PRDM16: variants seen among roughly 807,000 people sequenced by gnomAD.
PRDM16 encodes histone-lysine N-methyltransferase PRDM16.
In PRDM16, 23 loss-of-function variants were observed where a neutral mutation model predicts 110.6. That is an observed-to-expected ratio of 0.21 (90% CI 0.15 to 0.29). PRDM16 has a LOEUF of 0.29. Ranked by LOEUF, PRDM16 falls within the 10% of genes least tolerant of loss-of-function variation. The pLI is 1.00. For missense variants in PRDM16, 1,615 were observed against 1,794.3 expected, an observed-to-expected ratio of 0.90 and a Z score of 1.81; for synonymous variants, 799 against 781.8, an observed-to-expected ratio of 1.02 and a Z score of -0.37.
chr1:3,430,956 CGATGACCTGGAGGAGGACGAT>C lies in PRDM16; in HGVS notation c.3372_3392del (p.Asp1124_Asp1130del), dbSNP rs1557672946. On this transcript the variant is annotated inframe_deletion, in exon 15 of 17. Coordinates refer to ENST00000270722, the MANE Select transcript of PRDM16 (RefSeq NM_022114.4). Reference sequence around the variant, plus strand: ...AGGAGGACGTGGAGGAGGAGGACGACGATGACCTGGAGGAGGACGATGAGGACAGCCTGGCCGGGAAGTCGC... The same window carrying C: ...AGGAGGACGTGGAGGAGGAGGACGACGAGGACAGCCTGGCCGGGAAGTCGC... 1 of 1,613,322 alleles carries C rather than the reference CGATGACCTGGAGGAGGACGAT, an allele frequency of 6.2e-7. No homozygotes were observed. Among genetic ancestry groups the C allele is most frequent in the Admixed American group, 1.7e-5 (1 of 59,912 alleles).
Position 3,075,991 on chromosome 1 carries a change from C to T in PRDM16, c.37+6695C>T, listed in dbSNP as rs565410765. Among the ~76,000 whole-genome samples the T allele has an allele frequency of 7.7e-4, 117 of 152,316 alleles. 1 individual carries two copies. Among genetic ancestry groups the T allele is most frequent in the African/African-American group, 2.7e-3 (112 of 41,578 alleles). On this transcript the variant is annotated intron_variant, in intron 1 of 16. Coordinates refer to ENST00000270722, the MANE Select transcript of PRDM16 (RefSeq NM_022114.4). ...AGGCTTGACCAAGAGTGAGCCAAGC[C>T]CCCCACGCGTGGGGTGCCCACTTCA...
intron 1 of PRDM16, among the ~76,000 whole-genome samples, chr1:3,103,417 G>A (rs926731950): frequency 2.0e-5 from 3 of 152,184 alleles, no homozygotes; most frequent in Non-Finnish European, 4.4e-5. Context: ...AGACCCTCTC[G>A]CCAAACGCAT....
intron 1 of PRDM16, among the ~76,000 whole-genome samples, chr1:3,085,589 T>A (rs1177709613): frequency 6.6e-6 from 1 of 152,222 alleles, no homozygotes; most frequent in Non-Finnish European, 1.5e-5. Context: ...CTGAGCCCAG[T>A]GTGCCCATCT....
chr1:3,429,372 G>A (rs562655147), intron 14 of PRDM16, among the ~76,000 whole-genome samples: 1 of 152,272 alleles, frequency 6.6e-6, no homozygotes, highest in East Asian at 1.9e-4. Flanking sequence ...TGCATGGGGG[G>A]TGTGCAGCAG....
At chr1:3,240,094 AGG>A (rs1639634030) in intron 2 of PRDM16, among the ~76,000 whole-genome samples, 1 of 143,200 alleles carries the variant, frequency 7.0e-6, no homozygotes. Context: ...AGGAGAGGAG[AGG>A]AGAGGAGAGG....
chr1:3,428,112 A>G (rs974786357), intron 14 of PRDM16, among the ~76,000 whole-genome samples: 6 of 152,086 alleles, frequency 3.9e-5, no homozygotes, highest in African/African-American at 1.4e-4. Flanking sequence ...GCGTGTGCGG[A>G]GGCTGAACCA....
In PRDM16 at chr1:3,157,952, A is replaced by G. The variant is rs551706702; in HGVS notation, c.38-28173A>G. On this transcript the variant is annotated intron_variant, in intron 1 of 16. Coordinates refer to ENST00000270722, the MANE Select transcript of PRDM16 (RefSeq NM_022114.4). This position sits in a 1 kb window ranked among gnomAD's most constrained non-coding sequence, Gnocchi z 4.8. ...ATATTACGAAAATTACAAAATAATT[A>G]CAAATGATAAAAACAATGACTGCTC... 5.7e-4 allele frequency among the ~76,000 whole-genome samples: 87 copies of G among 152,264 alleles called. 1 individual carries two copies. Among genetic ancestry groups the G allele is most frequent in the Non-Finnish European group, 1.1e-3 (73 of 68,042 alleles).
intron 2 of PRDM16, chr1:3,207,415 C>T (rs151232236): frequency 3.9e-5 from 6 of 152,310 alleles, no homozygotes; most frequent in East Asian, 3.9e-4. Flanking sequence ...TTTCCACGGA[C>T]GGTTTTAAAG....
At chr1:3,259,182 T>G (rs1299635517) in intron 3 of PRDM16, among the ~76,000 whole-genome samples, 1 of 152,088 alleles carries the variant, frequency 6.6e-6, no homozygotes, top group South Asian at 2.1e-4. Context: ...CTTCAGTAGT[T>G]CACACCGGCC....
intron 3 of PRDM16, among the ~76,000 whole-genome samples, chr1:3,365,991 T>C (rs1642806719): frequency 6.8e-6 from 1 of 146,778 alleles, no homozygotes; most frequent in South Asian, 2.1e-4. Flanking sequence ...CACACAAACA[T>C]GCACACATAC....
chr1:3,291,018 T>C (rs372477985), intron 3 of PRDM16, among the ~76,000 whole-genome samples: 1 of 151,854 alleles, frequency 6.6e-6, no homozygotes, highest in African/African-American at 2.4e-5. Flanking sequence ...AGGCCATCCT[T>C]GTCTCCGGCT....
In PRDM16 at chr1:3,303,497, G is replaced by A. The variant is rs145356293; in HGVS notation, c.438+59360G>A. On this transcript the variant is annotated intron_variant, in intron 3 of 16. Transcript: ENST00000270722. ...ACTAATGGACATTTGGTTGCCTTTC[G>A]CCGTTGGGAAGAGTGCCGTGGTGAC... Among the ~76,000 whole-genome samples the A allele has an allele frequency of 1.3e-3, 196 of 152,240 alleles. 1 individual carries two copies. The highest frequency in any genetic ancestry group is 2.7e-3 in the Admixed American group (42 of 15,300).
Position 3,081,942 on chromosome 1 carries a change from C to T in PRDM16, c.37+12646C>T, listed in dbSNP as rs150476906. Reference sequence around the variant, plus strand: ...CAGTCAGGATGGGCAGATGAAGCCACAGTGTGCCAAGGCAGCGGCAAAGCC... The same window carrying T: ...CAGTCAGGATGGGCAGATGAAGCCATAGTGTGCCAAGGCAGCGGCAAAGCC... On this transcript the variant is annotated intron_variant, in intron 1 of 16. Coordinates refer to ENST00000270722, the MANE Select transcript of PRDM16 (RefSeq NM_022114.4). The surrounding 1 kb of genome is among the most constrained non-coding windows in gnomAD (Gnocchi z 4.6). 1.3e-5 allele frequency among the ~76,000 whole-genome samples: 2 copies of T among 152,340 alleles called. No homozygotes were observed. The highest frequency in any genetic ancestry group is 3.9e-4 in the East Asian group (2 of 5,168).
At chr1:3,270,569 C>A (rs1336298427) in intron 3 of PRDM16, among the ~76,000 whole-genome samples, 1 of 148,790 alleles carries the variant, frequency 6.7e-6, no homozygotes, top group Non-Finnish European at 1.5e-5. Flanking sequence ...GGAGCATAGT[C>A]CTGGAGGAGG....
intron 3 of PRDM16, among the ~76,000 whole-genome samples, chr1:3,301,028 G>A (rs189130842): frequency 1.3e-5 from 2 of 152,262 alleles, no homozygotes; most frequent in Admixed American, 1.3e-4. Context: ...CTGACATGAA[G>A]TGAGGTTCAA....
intron 1 of PRDM16, among the ~76,000 whole-genome samples, chr1:3,097,210 A>G (rs1358664146): frequency 9.7e-6 from 1 of 103,594 alleles, no homozygotes; most frequent in Non-Finnish European, 1.8e-5. Context: ...GAAGGGGTTC[A>G]GCTGTGTACA....
chr1:3,135,270 G>A (rs1287994000), intron 1 of PRDM16, among the ~76,000 whole-genome samples: 1 of 152,202 alleles, frequency 6.6e-6, no homozygotes, highest in Non-Finnish European at 1.5e-5. Context: ...CCCATGGGCA[G>A]GGTAGGGGGC....
intron 3 of PRDM16, among the ~76,000 whole-genome samples, chr1:3,269,118 G>A (rs912569374): frequency 6.6e-6 from 1 of 152,256 alleles, no homozygotes; most frequent in African/African-American, 2.4e-5. Context: ...GGCTTTAGAA[G>A]GTGGCTCCAG....
chr1:3,252,333 A>G (rs1639952973), intron 3 of PRDM16, among the ~76,000 whole-genome samples: 1 of 152,164 alleles, frequency 6.6e-6, no homozygotes, highest in African/African-American at 2.4e-5. Flanking sequence ...GCTCCTCTGC[A>G]TAACGGTGTC....
Sources: allele counts gnomAD v4.1 joint callset (sites outside exome capture counted in the v4.1 genomes callset), GRCh38; gene constraint gnomAD v4.1.1; non-coding constraint Gnocchi (gnomAD v3.1); transcripts MANE v1.5; gene names NCBI Gene and HGNC (gene_info 2026-07-23, HGNC 2026-07-21).